Variants in TBC1D30 observed in about 807,000 individuals in gnomAD.
TBC1D30 encodes the protein TBC1 domain family member 30.
Under a neutral mutation model 63.2 loss-of-function variants are expected in TBC1D30, and 31 were observed. That is an observed-to-expected ratio of 0.49 (90% CI 0.37 to 0.66). The LOEUF is 0.66. Among genes scored for constraint, TBC1D30 ranks in the 30% least tolerant of loss-of-function variants. The probability of loss-of-function intolerance (pLI) is 0.00; values close to 1 mark genes in which losing one functional copy is unlikely to be tolerated. For synonymous variants in TBC1D30, 307 were observed against 361.5 expected, an observed-to-expected ratio of 0.85 and a Z score of 1.71; for missense variants, 810 against 953.6, an observed-to-expected ratio of 0.85 and a Z score of 1.98.
chr12:64,793,680 T>C (rs1343118138), intron 2 of TBC1D30, among the ~76,000 whole-genome samples: 1 of 151,860 alleles, frequency 6.6e-6, no homozygotes, highest in East Asian at 1.9e-4. Context: ...AAAACACAAA[T>C]AAAAACCACA....
intron 2 of TBC1D30, among the ~76,000 whole-genome samples, chr12:64,795,681 A>C (rs1872210446): frequency 6.8e-6 from 1 of 147,126 alleles, no homozygotes; most frequent in African/African-American, 2.5e-5. Context: ...AGCTTCAAAA[A>C]TTCATTGCTG....
At chr12:64,822,616 A>C (rs983911237), upstream of TBC1D30, among the ~76,000 whole-genome samples, 3 of 150,894 alleles carry the variant, frequency 2.0e-5, no homozygotes, top group African/African-American at 7.3e-5. Context: ...CTCCCACCTC[A>C]GCCTCCTGAG....
Position 64,825,000 on chromosome 12 carries a change from A to T in TBC1D30, c.121A>T (p.Thr41Ser), listed in dbSNP as rs1450918146. 1 of 1,533,868 alleles carries T rather than the reference A, an allele frequency of 6.5e-7. No homozygotes were observed. Among genetic ancestry groups the T allele is most frequent in the East Asian group, 2.4e-5 (1 of 40,882 alleles). The change falls in exon 1 of 12, where the codon ACC (threonine) becomes TCC (serine). Residue 41 changes from threonine to serine, a missense_variant. Physicochemically the swap from Thr to Ser is moderately conservative, Grantham distance 58. This residue lies in a region of TBC1D30 where 272 missense variants were observed against 335.9 expected (regional missense o/e 0.81). Transcript: ENST00000539867. ...VLKKRSCISR[T>S]APRLLCTLEP... is the part of the protein sequence containing the mutation. ...CAAGAAGCGCAGCTGCATTTCCCGG[A>T]CCGCGCCCCGGCTGCTGTGCACCCT... is the stretch of plus-strand genomic sequence containing the variant.
In TBC1D30 at chr12:64,875,967, T is replaced by C. The variant is rs1038160291; in HGVS notation, c.*179T>C. The C allele has an allele frequency of 7.1e-6, 4 of 559,860 alleles. No homozygotes were observed. The highest frequency in any genetic ancestry group is 3.7e-5 in the Admixed American group (1 of 27,108). The allele number at this position is 559,860 out of a possible 1,614,324, so 34.7% of individuals were successfully genotyped here. A position where few individuals can be genotyped will look rare whatever the true frequency, so the allele number is the denominator to read the frequency against. ...AATAGGAGTTAGAACAGGGCTGTTT[T>C]CCCAGCTACTTGCTAACTGACGAAG... On this transcript the variant is annotated 3_prime_UTR_variant, in exon 12 of 12. Coordinates refer to ENST00000539867, the MANE Select transcript of TBC1D30 (RefSeq NM_015279.2).
At chr12:64,828,392 T>C (rs1210957129) in intron 2 of TBC1D30, 52 bp from the exon 3 acceptor site, 1 of 1,317,588 alleles carries the variant, frequency 7.6e-7, no homozygotes, top group African/African-American at 1.5e-5. Flanking sequence ...GATTGCAAAG[T>C]GCTTATCTAG....
At chr12:64,835,735 GA>G (rs1178056633) in intron 5 of TBC1D30, among the ~76,000 whole-genome samples, 1 of 152,150 alleles carries the variant, frequency 6.6e-6, no homozygotes, top group Non-Finnish European at 1.5e-5. Flanking sequence ...ACATTGAATG[GA>G]AATACATGGT....
At chr12:64,873,151 G>A (rs934113491) in intron 11 of TBC1D30, among the ~76,000 whole-genome samples, 1 of 152,160 alleles carries the variant, frequency 6.6e-6, no homozygotes, top group Non-Finnish European at 1.5e-5. Flanking sequence ...GTGGAAGGTG[G>A]TGAGTATGGT....
At chr12:64,851,252 T>G (rs1269508541) in intron 8 of TBC1D30, among the ~76,000 whole-genome samples, 3 of 152,102 alleles carry the variant, frequency 2.0e-5, no homozygotes, top group African/African-American at 7.2e-5. Flanking sequence ...TTTTGAAGGG[T>G]TTTTCATGTC....
At chr12:64,866,552 C>T (rs532537041) in intron 9 of TBC1D30, among the ~76,000 whole-genome samples, 3 of 152,230 alleles carry the variant, frequency 2.0e-5, no homozygotes, top group Admixed American at 1.3e-4. Context: ...ATTCTCTAGC[C>T]TCAGCCTCCG....
chr12:64,827,854 A>G lies in TBC1D30; in HGVS notation c.174A>G (p.Lys58=). The change falls in exon 2 of 12, where the codon AAA becomes AAG. Residue 58 remains lysine, a synonymous_variant. Transcript: ENST00000539867. ...TTTCAGGAGTTGATACCAAGTTGAA[A>G]TTCACTCTTGAGCCATCTTTAGGTC... ...TLEPGVDTKL[K]FTLEPSLGQN... is the part of the protein sequence containing the mutation. The G allele has an allele frequency of 1.3e-6, 2 of 1,534,356 alleles. No individual in the cohort carries two copies. The highest frequency in any genetic ancestry group is 1.4e-5 in the African/African-American group (1 of 73,120).
chr12:64,842,038 A>G (rs186442604), intron 7 of TBC1D30, among the ~76,000 whole-genome samples: 1 of 152,300 alleles, frequency 6.6e-6, no homozygotes, highest in East Asian at 1.9e-4. Flanking sequence ...GTTATCCTAC[A>G]ATACAAACAA....
intron 8 of TBC1D30, among the ~76,000 whole-genome samples, chr12:64,849,735 A>T (rs557108165): frequency 6.6e-6 from 1 of 152,326 alleles, no homozygotes; most frequent in South Asian, 2.1e-4. Context: ...CTTTTTGCTT[A>T]GGAGTGTCTT....
Position 64,825,004 on chromosome 12 carries a change from CG to C in TBC1D30, c.126del (p.Arg44GlyfsTer14). 6.5e-7 allele frequency: 1 copy of C among 1,533,970 alleles called. No individual in the cohort carries two copies. Among genetic ancestry groups the C allele is most frequent in the Non-Finnish European group, 8.7e-7 (1 of 1,146,392 alleles). Reference protein sequence around the residue: ...LKKRSCISRTAPRLLCTLEPG... With the variant: ...LKKRSCISRTXPRLLCTLEPG... ...AAGCGCAGCTGCATTTCCCGGACCG[CG>C]CCCCGGCTGCTGTGCACCCTGGAGC... On this transcript the variant is annotated frameshift_variant, in exon 1 of 12. Transcript: ENST00000539867. LOFTEE classifies it high-confidence loss of function.
intron 2 of TBC1D30, among the ~76,000 whole-genome samples, chr12:64,812,038 T>C (rs1873246901): frequency 1.3e-5 from 2 of 152,364 alleles, no homozygotes; most frequent in South Asian, 4.1e-4. Context: ...TATTTAACCT[T>C]CTGGTCAGTT....
chr12:64,843,261 CTGGGATTATAGG>C, intron 7 of TBC1D30, 107 bp from the exon 8 acceptor site: 9 of 855,688 alleles, frequency 1.1e-5, no homozygotes, highest in Non-Finnish European at 1.6e-5. Context: ...TCCCAGAGTG[CTGGGATTATAGG>C]CATGAGCCAC....
intron 8 of TBC1D30, among the ~76,000 whole-genome samples, chr12:64,851,412 C>A (rs917710834): frequency 1.3e-5 from 2 of 152,184 alleles, no homozygotes; most frequent in African/African-American, 4.8e-5. Context: ...TTATTTTGAG[C>A]CTATGTAGTC....
intron 11 of TBC1D30, among the ~76,000 whole-genome samples, chr12:64,872,496 A>T (rs1171730111): frequency 6.6e-6 from 1 of 152,094 alleles, no homozygotes; most frequent in Non-Finnish European, 1.5e-5. Flanking sequence ...TAAGGGAGAG[A>T]TTGCTGCTCA....
intron 2 of TBC1D30, among the ~76,000 whole-genome samples, chr12:64,794,483 G>A (rs1438431952): frequency 6.6e-6 from 1 of 151,828 alleles, no homozygotes; most frequent in Non-Finnish European, 1.5e-5. Context: ...TGTTGCCCAT[G>A]TTGGAGTGCA....
At chr12:64,804,171 G>C (rs576857609) in intron 2 of TBC1D30, among the ~76,000 whole-genome samples, 61 of 152,282 alleles carry the variant, frequency 4.0e-4, no homozygotes, top group African/African-American at 1.4e-3. Context: ...ATTTCGTTGA[G>C]CAGTGGTTTA....
Sources: gnomAD v4.1 joint callset for allele counts (sites outside exome capture counted in the v4.1 genomes callset) on GRCh38, gnomAD v4.1.1 for gene constraint, gnomAD v4.1.1 regional missense constraint, MANE v1.5 for transcripts, NCBI Gene and HGNC (gene_info 2026-07-23, HGNC 2026-07-21) for gene names.